Variants in KCNS3 observed in about 807,000 individuals in gnomAD.
KCNS3 encodes the protein potassium voltage-gated channel modifier subfamily S member 3, also known as delayed-rectifier potassium channel regulatory subunit KCNS3.
In KCNS3, 13 loss-of-function variants were observed where a neutral mutation model predicts 31.0. The observed-to-expected ratio is 0.42, with a 90% CI of 0.27 to 0.67. The LOEUF (loss-of-function observed/expected upper bound fraction) is 0.67. Among genes scored for constraint, KCNS3 ranks in the 30% least tolerant of loss-of-function variants. The pLI, the probability that KCNS3 is intolerant of heterozygous loss-of-function variation, is 0.25. For synonymous variants in KCNS3, 238 were observed against 241.5 expected, an observed-to-expected ratio of 0.99 and a Z score of 0.13; for missense variants, 545 against 622.4, an observed-to-expected ratio of 0.88 and a Z score of 1.32.
At chr2:17,888,965 A>G (rs1446034478) in intron 1 of KCNS3, among the ~76,000 whole-genome samples, 2 of 151,990 alleles carry the variant, frequency 1.3e-5, no homozygotes, top group Non-Finnish European at 1.5e-5. Context: ...TCTGTGAAGA[A>G]TGATGGTGGT....
At chr2:17,928,821 T>C (rs1662892688) in intron 2 of KCNS3, among the ~76,000 whole-genome samples, 1 of 152,226 alleles carries the variant, frequency 6.6e-6, no homozygotes, top group Non-Finnish European at 1.5e-5. Flanking sequence ...ACATCCTCTT[T>C]TGGCCTTTCT....
Position 17,931,515 on chromosome 2 carries a change from G to T in KCNS3, c.507G>T (p.Lys169Asn). 1 of 1,614,228 alleles carries T rather than the reference G, an allele frequency of 6.2e-7. No individual in the cohort carries two copies. The highest frequency in any genetic ancestry group is 8.5e-7 in the Non-Finnish European group (1 of 1,180,046). Residue 169 changes from lysine to asparagine, a missense_variant, in exon 3 of 3, where the codon AAG becomes AAT. By Grantham distance (94) the Lys-to-Asn change is moderately conservative (BLOSUM62 0). Coordinates refer to ENST00000304101, the MANE Select transcript of KCNS3 (RefSeq NM_002252.5). The surrounding 1 kb of genome is among the most constrained non-coding windows in gnomAD (Gnocchi z 5.4). The part of the protein sequence containing the change: ...FDTLRFGQLR[K>N]KIWIRMENPA... ...CACTGCGATTTGGTCAGCTCCGGAA[G>T]AAAATCTGGATTAGAATGGAGAATC...
At chr2:17,930,719 ATCTTTCC>A (rs1009598690) in intron 2 of KCNS3, among the ~76,000 whole-genome samples, 7 of 152,328 alleles carry the variant, frequency 4.6e-5, no homozygotes, top group African/African-American at 1.7e-4. Flanking sequence ...TTATATTGCC[ATCTTTCC>A]TCTTTCCTAA....
At chr2:17,884,268 A>AAATATATAT (rs1459540269) in intron 1 of KCNS3, among the ~76,000 whole-genome samples, 24 of 46,670 alleles carry the variant, frequency 5.1e-4, no homozygotes, top group African/African-American at 1.6e-3. Context: ...AAAAAAAAAA[A>AAATATATAT]ATATATATAT....
intron 1 of KCNS3, among the ~76,000 whole-genome samples, chr2:17,880,095 A>G (rs1437074201): frequency 6.6e-6 from 1 of 152,228 alleles, no homozygotes; most frequent in Non-Finnish European, 1.5e-5. Context: ...AGTCACTCCT[A>G]GTTGCCCCCC....
intron 1 of KCNS3, among the ~76,000 whole-genome samples, chr2:17,898,318 G>T (rs924493992): frequency 2.7e-5 from 4 of 148,794 alleles, no homozygotes; most frequent in Non-Finnish European, 5.9e-5. Flanking sequence ...GAATTTCAAA[G>T]TAGTTTTGTC....
In KCNS3 at chr2:17,921,911, G is replaced by GTATATA. The variant is rs781288456; in HGVS notation, c.-60+4041_-60+4042insATATAT. ...CTGATTTTCATATATATGTGTGTGTGTGTGTATATATATATATATATATAT... is the reference window on the plus strand; with the variant it reads ...CTGATTTTCATATATATGTGTGTGTGTATATATGTGTATATATATATATATATATAT... On this transcript the variant is annotated intron_variant, in intron 2 of 2. Coordinates refer to ENST00000304101, the MANE Select transcript of KCNS3 (RefSeq NM_002252.5). Among the ~76,000 whole-genome samples the GTATATA allele has an allele frequency of 1.4e-3, 142 of 100,282 alleles. 2 individuals are homozygous for GTATATA. Among genetic ancestry groups the GTATATA allele is most frequent in the Non-Finnish European group, 2.0e-3 (98 of 48,894 alleles). 65.8% of individuals were successfully genotyped at this position (100,282 alleles called of 152,430 possible). A position where few individuals can be genotyped will look rare whatever the true frequency, so the allele number is the denominator to read the frequency against.
At chr2:17,888,668 TATATAA>T (rs1661764113) in intron 1 of KCNS3, among the ~76,000 whole-genome samples, 3 of 126,620 alleles carry the variant, frequency 2.4e-5, no homozygotes, top group African/African-American at 5.7e-5. Context: ...TATATATATA[TATATAA>T]AGAAAAGGGT....
chr2:17,905,000 G>T (rs1447198358), intron 1 of KCNS3, among the ~76,000 whole-genome samples: 7 of 152,208 alleles, frequency 4.6e-5, no homozygotes, highest in African/African-American at 1.7e-4. Context: ...TGTGAAGAAA[G>T]TCATTGGTAG....
Position 17,932,396 on chromosome 2 carries a change from G to A in KCNS3, c.1388G>A (p.Ser463Asn). The stretch of plus-strand genomic sequence containing the variant: ...CTCTCTTCTGTAGGCATTGTGGTGA[G>A]CGATCCTGACTCCACAGATGCTTCA... ...TSLSSVGIVV[S>N]DPDSTDASSI... The change falls in exon 3 of 3, where the codon AGC becomes AAC. Residue 463 changes from serine to asparagine, a missense_variant. Ser to Asn is a conservative substitution (Grantham distance 46). Transcript: ENST00000304101. The A allele has an allele frequency of 1.2e-6, 2 of 1,614,094 alleles. No homozygotes were observed. The highest frequency in any genetic ancestry group is 1.7e-6 in the Non-Finnish European group (2 of 1,179,974).
At chr2:17,921,725 T>C (rs1662707845) in intron 2 of KCNS3, among the ~76,000 whole-genome samples, 1 of 151,380 alleles carries the variant, frequency 6.6e-6, no homozygotes, top group Non-Finnish European at 1.5e-5. Flanking sequence ...CAACCAGATC[T>C]TGTGAGAGCT....
At position 17,917,727 on chromosome 2, in the gene KCNS3, C is replaced by T. The variant is rs1275664850; in HGVS notation, c.-204C>T. On this transcript the variant is annotated 5_prime_UTR_variant, in exon 2 of 3. Coordinates refer to ENST00000304101, the MANE Select transcript of KCNS3 (RefSeq NM_002252.5). ...TGCTTTGGCCTGTACAACCAGAGAACAGGATTCTTCCCTTCTTTTTGGCCA... is the reference window on the plus strand; with the variant it reads ...TGCTTTGGCCTGTACAACCAGAGAATAGGATTCTTCCCTTCTTTTTGGCCA... 1 of 152,650 alleles carries T rather than the reference C, an allele frequency of 6.6e-6. No individual in the cohort carries two copies. 9.5% of individuals were successfully genotyped at this position (152,650 alleles called of 1,614,324 possible).
At chr2:17,927,998 C>A (rs768542993) in intron 2 of KCNS3, among the ~76,000 whole-genome samples, 3 of 152,150 alleles carry the variant, frequency 2.0e-5, no homozygotes, top group African/African-American at 7.2e-5. Flanking sequence ...ACCTTGAGTA[C>A]ATGTTCTCAG....
intron 2 of KCNS3, among the ~76,000 whole-genome samples, chr2:17,921,954 T>TAA (rs1662725617): frequency 7.4e-6 from 1 of 135,812 alleles, no homozygotes; most frequent in African/African-American, 2.8e-5. Flanking sequence ...TATATATATA[T>TAA]ATATAAATAC....
intron 1 of KCNS3, among the ~76,000 whole-genome samples, chr2:17,902,130 A>T (rs1662190171): frequency 6.6e-6 from 1 of 152,220 alleles, no homozygotes; most frequent in Non-Finnish European, 1.5e-5. Context: ...GCAGAAGCAG[A>T]GGAGGTCAGT....
rs1421068300 is a variant in KCNS3, at chr2:17,931,155, T to C, written c.147T>C (p.Ser49=). The change falls in exon 3 of 3, where the codon TCT becomes TCC. Residue 49 remains serine, a synonymous_variant. Coordinates refer to ENST00000304101, the MANE Select transcript of KCNS3 (RefSeq NM_002252.5). The surrounding 1 kb of genome is among the most constrained non-coding windows in gnomAD (Gnocchi z 5.4). ...TGGGGAAGCTGCTTACTTGCCATTC[T>C]GAAGAGGCCATTCTGGAGCTGTGTG... ...TRLGKLLTCH[S]EEAILELCDD... 6.2e-7 allele frequency: 1 copy of C among 1,614,208 alleles called. No individual in the cohort carries two copies. The highest frequency in any genetic ancestry group is 1.7e-5 in the Admixed American group (1 of 60,026).
At position 17,892,284 on chromosome 2, in the gene KCNS3, GT is replaced by G. The variant is rs34573286; in HGVS notation, c.-252+13488del. 1.8e-4 allele frequency among the ~76,000 whole-genome samples: 26 copies of G among 148,504 alleles called. No individual in the cohort carries two copies. The East Asian group carries it at 2.6e-3, about 15-fold the overall frequency. On this transcript the variant is annotated intron_variant, in intron 1 of 2. Transcript: ENST00000304101. ...TCTGAAGTTTCCTGAAATTTTTATT[GT>G]TTTTTTTTTAAGCTATCTATTTCCT...
intron 1 of KCNS3, among the ~76,000 whole-genome samples, chr2:17,904,599 C>A (rs1268903217): frequency 1.3e-5 from 2 of 152,202 alleles, no homozygotes; most frequent in East Asian, 3.9e-4. Flanking sequence ...TTAGGTCTAA[C>A]ATTTAAGTCT....
At chr2:17,900,873 C>T (rs919295201) in intron 1 of KCNS3, among the ~76,000 whole-genome samples, 2 of 152,142 alleles carry the variant, frequency 1.3e-5, no homozygotes, top group Admixed American at 1.3e-4. Flanking sequence ...ATAATAATAA[C>T]AATTATAATA....
Sources: gnomAD v4.1 joint callset for allele counts (sites outside exome capture counted in the v4.1 genomes callset) on GRCh38, gnomAD v4.1.1 for gene constraint, Gnocchi (gnomAD v3.1) non-coding constraint, MANE v1.5 for transcripts, NCBI Gene and HGNC (gene_info 2026-07-23, HGNC 2026-07-21) for gene names.